The following SIPA1L3 variants were observed in gnomAD, a reference collection of about 807,000 sequenced individuals.
SIPA1L3 encodes the protein signal-induced proliferation-associated 1-like protein 3.
Under a neutral mutation model 150.1 loss-of-function variants are expected in SIPA1L3, and 59 were observed. The ratio of observed to expected loss-of-function variants is 0.39; its 90% confidence interval spans 0.32 to 0.49. The LOEUF (loss-of-function observed/expected upper bound fraction) is 0.49. Among genes scored for constraint, SIPA1L3 ranks in the 20% least tolerant of loss-of-function variants. The pLI is 0.86. For missense variants in SIPA1L3, 2,211 were observed against 2,489.5 expected (o/e 0.89, Z 2.38); for synonymous variants, 1,070 against 1,077.6 (o/e 0.99, Z 0.14).
At chr19:37,996,658 A>G (rs1325231212) in intron 1 of SIPA1L3, among the ~76,000 whole-genome samples, 1 of 151,976 alleles carries the variant, frequency 6.6e-6, no homozygotes, top group Non-Finnish European at 1.5e-5. Flanking sequence ...CCTTTGACCA[A>G]CATCTCCACA....
At chr19:37,922,615 G>A (rs961332173) in intron 1 of SIPA1L3, among the ~76,000 whole-genome samples, 3 of 150,846 alleles carry the variant, frequency 2.0e-5, no homozygotes, top group Non-Finnish European at 4.4e-5. Context: ...GGATGGTCTC[G>A]ATCTCCTGAC....
chr19:37,963,953 T>G (rs2145578569), intron 1 of SIPA1L3: 1 of 152,298 alleles, frequency 6.6e-6, no homozygotes, highest in African/African-American at 2.4e-5. Context: ...TAATTTTACT[T>G]TTTAGTATGA....
Position 38,119,613 on chromosome 19 carries a change from A to C in SIPA1L3, c.2599A>C (p.Ser867Arg). 6.2e-7 allele frequency: 1 copy of C among 1,614,220 alleles called. No individual in the cohort carries two copies. Among genetic ancestry groups the C allele is most frequent in the Non-Finnish European group, 8.5e-7 (1 of 1,180,036 alleles). ...AGCACGGGCTGGCGCTGAGCAGCAC[A>C]GTGCAGGGGCCATCGCCTGGAGGGT... Reference protein sequence around the residue: ...TKARAGAEQHSAGAIAWRVVA... With the variant: ...TKARAGAEQHRAGAIAWRVVA... The change falls in exon 9 of 22, where the codon AGT (serine) becomes CGT (arginine). Residue 867 changes from serine to arginine, a missense_variant. Physicochemically the swap from Ser to Arg is moderately radical, Grantham distance 110 (BLOSUM62 -1). Around this residue, in one of 5 missense-constraint regions of SIPA1L3, gnomAD observed 625 missense variants for 804.2 expected, o/e 0.78. Coordinates refer to ENST00000222345, the MANE Select transcript of SIPA1L3 (RefSeq NM_015073.3).
intron 2 of SIPA1L3, among the ~76,000 whole-genome samples, chr19:38,061,230 A>AT (rs11413793): frequency 0.19 from 28,813 of 148,382 alleles, 3,065 homozygotes; most frequent in African/African-American, 0.29. Flanking sequence ...CTGCCTCCTG[A>AT]TTTTTTTTTT....
intron 2 of SIPA1L3, among the ~76,000 whole-genome samples, chr19:38,035,997 A>G (rs1968773857): frequency 6.6e-6 from 1 of 152,204 alleles, no homozygotes; most frequent in Non-Finnish European, 1.5e-5. Context: ...CATACAGCGA[A>G]AGCCTGGGCC....
chr19:38,004,599 C>A (rs547512353), intron 1 of SIPA1L3, among the ~76,000 whole-genome samples: 1 of 152,282 alleles, frequency 6.6e-6, no homozygotes, highest in South Asian at 2.1e-4. Context: ...TTATCCCTGT[C>A]CTGAAAGAAA....
chr19:38,087,891 G>C (rs1357558987), intron 3 of SIPA1L3: 1 of 152,288 alleles, frequency 6.6e-6, no homozygotes, highest in Non-Finnish European at 1.5e-5. Flanking sequence ...GGTGGCGGGC[G>C]CCTGTAGTCC....
At chr19:38,153,758 AC>A (rs1489559534) in intron 13 of SIPA1L3, among the ~76,000 whole-genome samples, 1 of 151,392 alleles carries the variant, frequency 6.6e-6, no homozygotes, top group East Asian at 1.9e-4. Flanking sequence ...ACATGGGGAA[AC>A]CCTGTCTCTA....
intron 1 of SIPA1L3, among the ~76,000 whole-genome samples, chr19:37,924,667 G>C (rs1368160914): frequency 7.0e-6 from 1 of 143,410 alleles, no homozygotes; most frequent in Non-Finnish European, 1.5e-5. Context: ...GACAGGGCTA[G>C]ACTCTATCTC....
At chr19:37,913,084 A>G (rs1251546632) in intron 1 of SIPA1L3, among the ~76,000 whole-genome samples, 1 of 152,138 alleles carries the variant, frequency 6.6e-6, no homozygotes, top group Non-Finnish European at 1.5e-5. Flanking sequence ...AAATCACAGT[A>G]TAGCCACTAA....
At chr19:38,059,617 T>A (rs1459241786) in intron 2 of SIPA1L3, among the ~76,000 whole-genome samples, 2 of 152,158 alleles carry the variant, frequency 1.3e-5, no homozygotes, top group Non-Finnish European at 2.9e-5. Context: ...GACTTTAAAA[T>A]TCTGTTATTG....
At chr19:37,976,114 AAAAAG>A (rs201125406) in intron 1 of SIPA1L3, among the ~76,000 whole-genome samples, 50 of 137,408 alleles carry the variant, frequency 3.6e-4, no homozygotes, top group Non-Finnish European at 5.8e-4. Flanking sequence ...TAAAAAAAAA[AAAAAG>A]AAAGAAAAGA....
Position 38,198,441 on chromosome 19 carries a change from GC to G in SIPA1L3, c.4894del (p.Arg1632GlyfsTer7). The G allele has an allele frequency of 6.2e-7, 1 of 1,603,230 alleles. No individual in the cohort carries two copies. Among genetic ancestry groups the G allele is most frequent in the Non-Finnish European group, 8.5e-7 (1 of 1,175,690 alleles). ...SLADGRDRPL[R>X]RLDPGLMPLP... is the part of the protein sequence containing the mutation. ...TGGCTGATGGGCGGGACCGCCCCCT[GC>G]GGCGCCTGGACCCTGGGCTGATGCC... On this transcript the variant is annotated frameshift_variant, in exon 19 of 22. Coordinates refer to ENST00000222345, the MANE Select transcript of SIPA1L3 (RefSeq NM_015073.3). LOFTEE classifies it high-confidence loss of function.
At chr19:38,030,768 G>A (rs1968637347) in intron 2 of SIPA1L3, among the ~76,000 whole-genome samples, 2 of 152,056 alleles carry the variant, frequency 1.3e-5, no homozygotes, top group African/African-American at 2.4e-5. Flanking sequence ...TGGGTTCTAA[G>A]CAGTGGCATG....
intron 15 of SIPA1L3, among the ~76,000 whole-genome samples, chr19:38,179,641 C>T: frequency 6.6e-6 from 1 of 152,098 alleles, no homozygotes; most frequent in South Asian, 2.1e-4. Context: ...CATAAACATC[C>T]ATATGTGTTT....
At chr19:37,933,571 A>G (rs1344601914) in intron 1 of SIPA1L3, among the ~76,000 whole-genome samples, 1 of 152,174 alleles carries the variant, frequency 6.6e-6, no homozygotes, top group Admixed American at 6.5e-5. Context: ...ATATGAATGA[A>G]TTTATATCAG....
chr19:38,099,896 T>C, intron 4 of SIPA1L3, 66 bp from the exon 5 acceptor site: 2 of 1,292,054 alleles, frequency 1.5e-6, no homozygotes, highest in South Asian at 2.8e-5. Context: ...AAGATACCTC[T>C]GCTATGCTCT....
chr19:37,996,129 C>T (rs906184745), intron 1 of SIPA1L3, among the ~76,000 whole-genome samples: 5 of 152,004 alleles, frequency 3.3e-5, no homozygotes, highest in African/African-American at 1.2e-4. Flanking sequence ...GGTCTCACTA[C>T]ATTGCCAGGG....
In SIPA1L3 at chr19:38,086,945, G is replaced by A. The variant is rs1970144893; in HGVS notation, c.1535-1776G>A. Among the ~76,000 whole-genome samples, 5 of 152,284 alleles carry A rather than the reference G, an allele frequency of 3.3e-5. No homozygotes were observed. The South Asian group carries it at 1.0e-3, about 32-fold the overall frequency. On this transcript the variant is annotated intron_variant, in intron 3 of 21. Transcript: ENST00000222345. ...ACCAACCTAATGTTGCTGATGACACGCCAGGATGATCAGACATCACCTTTG... is the reference window on the plus strand; with the variant it reads ...ACCAACCTAATGTTGCTGATGACACACCAGGATGATCAGACATCACCTTTG...
Sources: gnomAD v4.1 joint callset for allele counts (sites outside exome capture counted in the v4.1 genomes callset) on GRCh38, gnomAD v4.1.1 for gene constraint, gnomAD v4.1.1 regional missense constraint, MANE v1.5 for transcripts, NCBI Gene and HGNC (gene_info 2026-07-23, HGNC 2026-07-21) for gene names.